The following ATF7IP variants were observed in gnomAD, a reference collection of about 807,000 sequenced individuals.
ATF7IP encodes the protein activating transcription factor 7-interacting protein 1.
ATF7IP carries 23 observed loss-of-function variants against 106.4 expected under a neutral mutation model. The ratio of observed to expected loss-of-function variants is 0.22; its 90% CI spans 0.16 to 0.31. The LOEUF is 0.31. Ranked by LOEUF, ATF7IP falls within the 10% of genes least tolerant of loss-of-function variation. The pLI is 1.00. For missense variants in ATF7IP, 1,334 were observed against 1,524.3 expected (o/e 0.88, Z 2.08); for synonymous variants, 542 against 539.0 (o/e 1.01, Z -0.08).
At chr12:14,428,477 T>C (rs547626602) in intron 2 of ATF7IP, among the ~76,000 whole-genome samples, 1 of 152,360 alleles carries the variant, frequency 6.6e-6, no homozygotes, top group South Asian at 2.1e-4. Context: ...GTTTCTTAAT[T>C]GGTTCTTAAA....
At chr12:14,454,950 G>A (rs1943366429) in intron 6 of ATF7IP, among the ~76,000 whole-genome samples, 1 of 152,058 alleles carries the variant, frequency 6.6e-6, no homozygotes, top group Admixed American at 6.6e-5. Flanking sequence ...AGGCTGAGGC[G>A]GGCAGATCAC....
At chr12:14,375,519 A>C (rs2136400653) in intron 1 of ATF7IP, among the ~76,000 whole-genome samples, 1 of 152,274 alleles carries the variant, frequency 6.6e-6, no homozygotes, top group Non-Finnish European at 1.5e-5. Context: ...TAAATGATTT[A>C]AACATTGAAA....
chr12:14,490,777 C>A (rs1039874630), intron 13 of ATF7IP, among the ~76,000 whole-genome samples: 2 of 152,160 alleles, frequency 1.3e-5, no homozygotes, highest in Non-Finnish European at 2.9e-5. Flanking sequence ...TAAATTACTT[C>A]TGCCGTCCGC....
rs1944422108 is a variant in ATF7IP at position 14,481,354 on chromosome 12, T to C, written c.3280+169T>C. On this transcript the variant is annotated intron_variant, in intron 13 of 14. Coordinates refer to ENST00000261168, the MANE Select transcript of ATF7IP (RefSeq NM_018179.5). ...GTACTACAACATAGAAACTATAGTA[T>C]AGTTAAAATCAATGTAGTATATTCT... 7.9e-6 allele frequency: 5 copies of C among 636,086 alleles called. 1 individual carries two copies. Among genetic ancestry groups the C allele is most frequent in the Non-Finnish European group, 1.3e-5 (5 of 371,810 alleles). The allele number at this position is 636,086 out of a possible 1,614,324, so 39.4% of individuals were successfully genotyped here. A position where few individuals can be genotyped will look rare whatever the true frequency, so the allele number is the denominator to read the frequency against.
chr12:14,478,747 A>G (rs1944340957), intron 12 of ATF7IP, among the ~76,000 whole-genome samples: 1 of 152,198 alleles, frequency 6.6e-6, no homozygotes, highest in East Asian at 1.9e-4. Context: ...TTCACATCCA[A>G]AATAATAATA....
intron 1 of ATF7IP, among the ~76,000 whole-genome samples, chr12:14,389,475 C>T (rs192783547): frequency 5.9e-5 from 9 of 152,268 alleles, no homozygotes; most frequent in Non-Finnish European, 1.0e-4. Context: ...CTTGAATTCA[C>T]GGCCTAGAGT....
At chr12:14,480,937 A>G in intron 12 of ATF7IP, 66 bp from the exon 13 acceptor site, 2 of 1,440,074 alleles carry the variant, frequency 1.4e-6, no homozygotes, top group Non-Finnish European at 9.6e-7. Flanking sequence ...GATAACTGCC[A>G]TTTAATACTG....
intron 13 of ATF7IP, among the ~76,000 whole-genome samples, chr12:14,491,960 G>C (rs934161883): frequency 5.9e-5 from 9 of 152,174 alleles, no homozygotes; most frequent in African/African-American, 2.2e-4. Flanking sequence ...CTTGATGGTG[G>C]CACTAATCTC....
chr12:14,489,502 G>T (rs1167389275), intron 13 of ATF7IP, among the ~76,000 whole-genome samples: 1 of 152,126 alleles, frequency 6.6e-6, no homozygotes, highest in Admixed American at 6.5e-5. Context: ...TGGATCCCTA[G>T]GGGTGAAGGT....
chr12:14,449,473 T>G (rs998441497), intron 6 of ATF7IP, among the ~76,000 whole-genome samples: 3 of 152,248 alleles, frequency 2.0e-5, no homozygotes, highest in Admixed American at 6.5e-5. Context: ...TTCTAAGCTC[T>G]CTATTCATTT....
intron 12 of ATF7IP, among the ~76,000 whole-genome samples, chr12:14,479,396 C>G (rs535229941): frequency 5.9e-5 from 9 of 152,242 alleles, no homozygotes; most frequent in African/African-American, 2.2e-4. Context: ...CTAAACTGTT[C>G]AGAAACCAAT....
At chr12:14,398,024 T>C (rs1251417164) in intron 1 of ATF7IP, among the ~76,000 whole-genome samples, 1 of 152,134 alleles carries the variant, frequency 6.6e-6, no homozygotes, top group Non-Finnish European at 1.5e-5. Context: ...TTTGAAACAA[T>C]TGTTACGTTA....
At chr12:14,403,625 G>A (rs1940387358) in intron 1 of ATF7IP, among the ~76,000 whole-genome samples, 1 of 152,156 alleles carries the variant, frequency 6.6e-6, no homozygotes, top group African/African-American at 2.4e-5. Context: ...TAAAAATTTA[G>A]AAGAGAAATA....
chr12:14,431,365 C>T (rs973284106), intron 2 of ATF7IP, among the ~76,000 whole-genome samples: 1 of 151,120 alleles, frequency 6.6e-6, no homozygotes, highest in African/African-American at 2.4e-5. Context: ...AGAAACTTAT[C>T]TGTAAGTAAG....
chr12:14,447,355 C>T (rs1018604866), intron 6 of ATF7IP, among the ~76,000 whole-genome samples: 5 of 138,524 alleles, frequency 3.6e-5, no homozygotes, highest in African/African-American at 1.3e-4. Flanking sequence ...CATCTTGGTT[C>T]ACTGCAACCT....
chr12:14,439,602 A>G (rs1942595829), intron 5 of ATF7IP, among the ~76,000 whole-genome samples: 1 of 152,194 alleles, frequency 6.6e-6, no homozygotes, highest in African/African-American at 2.4e-5. Context: ...AGGCTGAGGA[A>G]GGTGAATCTC....
At chr12:14,457,001 A>G (rs1943453078) in intron 7 of ATF7IP, among the ~76,000 whole-genome samples, 1 of 152,174 alleles carries the variant, frequency 6.6e-6, no homozygotes, top group South Asian at 2.1e-4. Context: ...TACAAGAGTT[A>G]AGAGTTAAGA....
chr12:14,432,262 A>G (rs1942177473), intron 2 of ATF7IP, among the ~76,000 whole-genome samples: 1 of 152,216 alleles, frequency 6.6e-6, no homozygotes, highest in African/African-American at 2.4e-5. Flanking sequence ...TAAACCTTTC[A>G]TCTCAAGCAT....
At chr12:14,448,454 T>G (rs1360287630) in intron 6 of ATF7IP, among the ~76,000 whole-genome samples, 1 of 152,226 alleles carries the variant, frequency 6.6e-6, no homozygotes, top group Non-Finnish European at 1.5e-5. Flanking sequence ...TATAGATTTA[T>G]GTAGCCCCCA....
Sources: gnomAD v4.1 joint callset for allele counts (sites outside exome capture counted in the v4.1 genomes callset) on GRCh38, gnomAD v4.1.1 for gene constraint, MANE v1.5 for transcripts, NCBI Gene and HGNC (gene_info 2026-07-23, HGNC 2026-07-21) for gene names.